RASAL2: variants seen among roughly 807,000 people sequenced by gnomAD.
The protein encoded by RASAL2 is ras GTPase-activating protein nGAP.
Under a neutral mutation model 128.9 loss-of-function variants are expected in RASAL2, and 58 were observed. The ratio of observed to expected loss-of-function variants is 0.45; its 90% CI spans 0.36 to 0.56. The LOEUF (loss-of-function observed/expected upper bound fraction) is 0.56, where lower values mean the gene tolerates loss of function less well. Ranked by LOEUF, RASAL2 falls within the 20% of genes least tolerant of loss-of-function variation. The pLI, the probability that RASAL2 is intolerant of heterozygous loss-of-function variation, is 0.00. For synonymous variants in RASAL2, 561 were observed against 580.8 expected, an observed-to-expected ratio of 0.97 and a Z score of 0.49; for missense variants, 1,360 against 1,601.6, an observed-to-expected ratio of 0.85 and a Z score of 2.57.
At chr1:178,326,133 T>G (rs1669028583) in intron 3 of RASAL2, among the ~76,000 whole-genome samples, 1 of 152,044 alleles carries the variant, frequency 6.6e-6, no homozygotes, top group African/African-American at 2.4e-5. Context: ...AATAAAGAAA[T>G]GAATTAATAA....
rs543134871 is a variant in RASAL2, at chr1:178,341,818, G to A, written c.457+41700G>A. On this transcript the variant is annotated intron_variant, in intron 3 of 17. Transcript: ENST00000367649. ...CAGTACAAAATCCAGCACAAGAATA[G>A]CCATCTAAGAAACTCAGATAAATTA... Among the ~76,000 whole-genome samples the A allele has an allele frequency of 2.6e-5, 4 of 152,240 alleles. No individual in the cohort carries two copies. In the East Asian group the frequency reaches 5.8e-4, roughly 22 times the overall value.
At chr1:178,419,359 G>A (rs994860086) in intron 4 of RASAL2, among the ~76,000 whole-genome samples, 5 of 151,978 alleles carry the variant, frequency 3.3e-5, no homozygotes, top group South Asian at 2.1e-4. Flanking sequence ...CTGCAGCCTC[G>A]AACTCCTGAG....
chr1:178,384,085 TAA>T (rs1672423378), intron 3 of RASAL2, among the ~76,000 whole-genome samples: 1 of 152,214 alleles, frequency 6.6e-6, no homozygotes, highest in Non-Finnish European at 1.5e-5. Context: ...TCAAAATTAT[TAA>T]AGAGGCATGT....
chr1:178,114,801 C>T (rs1659467975), intron 1 of RASAL2, among the ~76,000 whole-genome samples: 2 of 152,206 alleles, frequency 1.3e-5, no homozygotes, highest in African/African-American at 2.4e-5. Flanking sequence ...GGATTACAGG[C>T]GTGAGCCACT....
At chr1:178,236,404 T>C (rs1033338865) in intron 1 of RASAL2, among the ~76,000 whole-genome samples, 1 of 152,184 alleles carries the variant, frequency 6.6e-6, no homozygotes, top group African/African-American at 2.4e-5. Context: ...AGATTCTGGA[T>C]TTTAAGAGCT....
intron 3 of RASAL2, among the ~76,000 whole-genome samples, chr1:178,368,251 T>G (rs755615187): frequency 3.3e-5 from 5 of 152,208 alleles, no homozygotes; most frequent in Non-Finnish European, 7.3e-5. Context: ...AAAAGTTAAG[T>G]TCTATGATTT....
intron 5 of RASAL2, among the ~76,000 whole-genome samples, chr1:178,436,465 G>A (rs533044090): frequency 6.6e-6 from 1 of 152,112 alleles, no homozygotes; most frequent in South Asian, 2.1e-4. Context: ...AATGAAACTT[G>A]TTCAGCACTG....
At chr1:178,329,942 A>G (rs958892091) in intron 3 of RASAL2, among the ~76,000 whole-genome samples, 4 of 152,196 alleles carry the variant, frequency 2.6e-5, no homozygotes, top group Non-Finnish European at 5.9e-5. Flanking sequence ...CTGAGTGAGC[A>G]TCCAGTCCAA....
chr1:178,166,947 T>C (rs551629909), intron 1 of RASAL2, among the ~76,000 whole-genome samples: 1 of 152,166 alleles, frequency 6.6e-6, no homozygotes, highest in East Asian at 1.9e-4. Flanking sequence ...TTATTAGGAG[T>C]CATTTTTAAG....
chr1:178,238,785 T>C (rs1664371350), intron 1 of RASAL2, among the ~76,000 whole-genome samples: 1 of 152,110 alleles, frequency 6.6e-6, no homozygotes, highest in African/African-American at 2.4e-5. Context: ...GTAGCTTGAT[T>C]ACAATGAACA....
intron 14 of RASAL2, among the ~76,000 whole-genome samples, 182 bp downstream of exon 14, chr1:178,458,726 G>A (rs1677966711): frequency 6.6e-6 from 1 of 152,180 alleles, no homozygotes; most frequent in South Asian, 2.1e-4. Context: ...ACAGAATGTA[G>A]TTTGACTCAT....
At chr1:178,421,753 A>C (rs1054828961) in intron 5 of RASAL2, among the ~76,000 whole-genome samples, 7 of 152,100 alleles carry the variant, frequency 4.6e-5, no homozygotes, top group Non-Finnish European at 8.8e-5. Context: ...TTATTTTGTA[A>C]ATGAAGGGAC....
intron 1 of RASAL2, among the ~76,000 whole-genome samples, chr1:178,117,484 G>A (rs907426219): frequency 6.6e-6 from 1 of 152,186 alleles, no homozygotes; most frequent in Non-Finnish European, 1.5e-5. Flanking sequence ...GCACAATTAG[G>A]ATGTGGAATA....
Position 178,465,936 on chromosome 1 carries a change from C to T in RASAL2, c.3404C>T (p.Thr1135Ile). 2 of 1,552,100 alleles carry T rather than the reference C, an allele frequency of 1.3e-6. No homozygotes were observed. The highest frequency in any genetic ancestry group is 1.7e-6 in the Non-Finnish European group (2 of 1,147,476). ...CTGCCCTAGTATGAACAAGAAATTA[C>T]TAAACTGAAGGAGCGCCTGAGAGTT... The part of the protein sequence containing the change: ...KHAEKYEQEI[T>I]KLKERLRVSS... The change falls in exon 16 of 18, where the codon ACT becomes ATT. Residue 1135 changes from threonine to isoleucine, a missense_variant. Thr to Ile is a moderately conservative substitution (Grantham distance 89, BLOSUM62 -1). Around this residue, in one of 3 missense-constraint regions of RASAL2, gnomAD observed 741 missense variants for 868.6 expected, o/e 0.85. Transcript: ENST00000367649.
chr1:178,195,202 G>C lies in RASAL2; in HGVS notation c.203-88362G>C, dbSNP rs74128882. On this transcript the variant is annotated intron_variant, in intron 1 of 17. Coordinates refer to ENST00000367649, the MANE Select transcript of RASAL2 (RefSeq NM_170692.4). Reference sequence around the variant, plus strand: ...AGACAGGTGTGGCTGGGACCAGTGAGACTTAATATTTTCCTGATTTTAAAG... The same window carrying C: ...AGACAGGTGTGGCTGGGACCAGTGACACTTAATATTTTCCTGATTTTAAAG... Among the ~76,000 whole-genome samples, 845 of 152,276 alleles carry C rather than the reference G, an allele frequency of 5.5e-3. 11 individuals are homozygous for C. Among genetic ancestry groups the C allele is most frequent in the African/African-American group, 0.019 (792 of 41,566 alleles).
intron 1 of RASAL2, among the ~76,000 whole-genome samples, chr1:178,243,337 G>A (rs1480876131): frequency 6.6e-6 from 1 of 152,132 alleles, no homozygotes; most frequent in Non-Finnish European, 1.5e-5. Flanking sequence ...AGGCAGAAGG[G>A]AATCTCTGGC....
intron 5 of RASAL2, among the ~76,000 whole-genome samples, chr1:178,428,268 G>C (rs968723186): frequency 8.9e-4 from 135 of 152,012 alleles, no homozygotes; most frequent in African/African-American, 3.1e-3. Context: ...TTTTGTGAAC[G>C]TGTTTTCCCT....
At chr1:178,107,469 G>A (rs1426369624) in intron 1 of RASAL2, among the ~76,000 whole-genome samples, 1 of 151,790 alleles carries the variant, frequency 6.6e-6, no homozygotes, top group Non-Finnish European at 1.5e-5. Context: ...TTTTATTATG[G>A]TAAATATAGC....
chr1:178,260,212 G>T (rs989419782), intron 1 of RASAL2, among the ~76,000 whole-genome samples: 1 of 149,796 alleles, frequency 6.7e-6, no homozygotes, highest in Admixed American at 6.6e-5. Context: ...AATTAGCCGG[G>T]CGTGGTGGCT....
Sources: allele counts gnomAD v4.1 joint callset (sites outside exome capture counted in the v4.1 genomes callset), GRCh38; gene constraint gnomAD v4.1.1; regional missense constraint gnomAD v4.1.1; transcripts MANE v1.5; gene names NCBI Gene and HGNC (gene_info 2026-07-23, HGNC 2026-07-21).